MACROD1: variants seen among roughly 807,000 people sequenced by gnomAD.
The protein encoded by MACROD1 is ADP-ribose glycohydrolase MACROD1.
MACROD1 carries 31 observed loss-of-function variants against 41.4 expected under a neutral mutation model. That is an observed-to-expected ratio of 0.75 (90% CI 0.56 to 1.01). The LOEUF is 1.01. Ranked by LOEUF, MACROD1 falls within the 50% of genes least tolerant of loss-of-function variation. MACROD1 has a pLI of 0.00. For synonymous variants in MACROD1, 252 were observed against 203.4 expected (o/e 1.24, Z -2.03); for missense variants, 473 against 460.0 (o/e 1.03, Z -0.26).
chr11:64,069,620 C>T (rs1323784386), intron 3 of MACROD1, among the ~76,000 whole-genome samples: 1 of 152,038 alleles, frequency 6.6e-6, no homozygotes, highest in East Asian at 1.9e-4. Flanking sequence ...CTGATGCCTC[C>T]TGCAGTGGCC....
chr11:64,053,392 T>C (rs1362885456), intron 3 of MACROD1, among the ~76,000 whole-genome samples: 2 of 152,230 alleles, frequency 1.3e-5, no homozygotes, highest in Non-Finnish European at 2.9e-5. Flanking sequence ...GCCCATGGTT[T>C]CCTGCAGATC....
chr11:64,114,880 A>G (rs1367781479), intron 3 of MACROD1, among the ~76,000 whole-genome samples: 2 of 152,184 alleles, frequency 1.3e-5, no homozygotes, highest in African/African-American at 4.8e-5. Context: ...GTAACATTTG[A>G]GCTGGGTCCT....
chr11:64,135,728 C>T (rs982963331), intron 3 of MACROD1, among the ~76,000 whole-genome samples: 9 of 152,168 alleles, frequency 5.9e-5, no homozygotes, highest in African/African-American at 1.4e-4. Context: ...GCCTTCCCCG[C>T]GCCAGGTGGT....
chr11:64,137,150 G>A (rs1007939949), intron 3 of MACROD1, among the ~76,000 whole-genome samples: 3 of 152,242 alleles, frequency 2.0e-5, no homozygotes, highest in African/African-American at 4.8e-5. Flanking sequence ...ACCCTTATTA[G>A]TCACAGGCTC....
At chr11:64,129,395 G>A (rs535824082) in intron 3 of MACROD1, among the ~76,000 whole-genome samples, 9 of 152,248 alleles carry the variant, frequency 5.9e-5, no homozygotes, top group Non-Finnish European at 1.2e-4. Context: ...GCCACTGGGA[G>A]TGCCCAGCTC....
intron 3 of MACROD1, among the ~76,000 whole-genome samples, chr11:64,081,260 G>A (rs1044763397): frequency 1.3e-5 from 2 of 152,200 alleles, no homozygotes; most frequent in Non-Finnish European, 2.9e-5. Context: ...GACCTCAGGT[G>A]ATCTGCCCAC....
chr11:64,118,594 GT>G (rs10570373), intron 3 of MACROD1: 122,409 of 239,732 alleles, frequency 0.51, 30,336 homozygotes, highest in Non-Finnish European at 0.61. Flanking sequence ...GCTGGGTTGG[GT>G]TTTTTTTTTT....
At chr11:64,149,802 C>A (rs2134699671) in intron 3 of MACROD1, among the ~76,000 whole-genome samples, 1 of 152,372 alleles carries the variant, frequency 6.6e-6, no homozygotes, top group East Asian at 1.9e-4. Flanking sequence ...TGCTCCAGGC[C>A]AGCCCCTCCT....
chr11:64,150,738 C>T (rs905298475), intron 3 of MACROD1, among the ~76,000 whole-genome samples: 2 of 152,214 alleles, frequency 1.3e-5, no homozygotes, highest in African/African-American at 4.8e-5. Flanking sequence ...GCCAAGCCAG[C>T]AAGAGGCGAG....
intron 4 of MACROD1, among the ~76,000 whole-genome samples, chr11:64,013,386 G>A (rs796159383): frequency 6.6e-5 from 10 of 152,344 alleles, no homozygotes; most frequent in African/African-American, 2.4e-4. Flanking sequence ...AGTGAACGGA[G>A]CAGCCGCGTG....
At chr11:64,047,823 G>A (rs1391823451) in intron 3 of MACROD1, among the ~76,000 whole-genome samples, 1 of 151,812 alleles carries the variant, frequency 6.6e-6, no homozygotes, top group Non-Finnish European at 1.5e-5. Context: ...CTTGAACCTG[G>A]GAGGTAGAGG....
intron 3 of MACROD1, among the ~76,000 whole-genome samples, chr11:64,069,841 T>C (rs1351204198): frequency 1.3e-5 from 2 of 152,196 alleles, no homozygotes; most frequent in Admixed American, 1.3e-4. Flanking sequence ...ATTAAGTCTT[T>C]AGCAAATGGT....
intron 3 of MACROD1, among the ~76,000 whole-genome samples, chr11:64,144,106 C>T (rs1173951662): frequency 6.6e-6 from 1 of 151,646 alleles, no homozygotes; most frequent in Non-Finnish European, 1.5e-5. Flanking sequence ...AGGCCCCGGC[C>T]GTGGCTCACT....
intron 3 of MACROD1, among the ~76,000 whole-genome samples, chr11:64,140,459 G>A (rs540978552): frequency 4.3e-4 from 65 of 152,360 alleles, no homozygotes; most frequent in African/African-American, 1.5e-3. Context: ...ATGGGAAGGA[G>A]GTGCCTTCAG....
chr11:64,163,278 CAA>C (rs1336017061), intron 1 of MACROD1, among the ~76,000 whole-genome samples: 3 of 152,076 alleles, frequency 2.0e-5, no homozygotes, highest in Non-Finnish European at 4.4e-5. Context: ...CCAGCCTGGA[CAA>C]AAAGAGTGAA....
Position 64,096,043 on chromosome 11 carries a change from C to T in MACROD1, c.517+55196G>A, listed in dbSNP as rs1280666066. On this transcript the variant is annotated intron_variant, in intron 3 of 10. Transcript: ENST00000255681. This position sits in a 1 kb window ranked among gnomAD's most constrained non-coding sequence, Gnocchi z 4.6. Reference sequence around the variant, plus strand: ...GCAGCCAGCACAGTGCTGCTTCAAACTGCCACTTGAGAGCTCCAGCGTGGG... The same window carrying T: ...GCAGCCAGCACAGTGCTGCTTCAAATTGCCACTTGAGAGCTCCAGCGTGGG... Among the ~76,000 whole-genome samples, 1 of 152,232 alleles carries T rather than the reference C, an allele frequency of 6.6e-6. No individual in the cohort carries two copies. Among genetic ancestry groups the T allele is most frequent in the African/African-American group, 2.4e-5 (1 of 41,466 alleles).
At chr11:64,030,951 A>AG (rs1943285969) in intron 3 of MACROD1, among the ~76,000 whole-genome samples, 1 of 151,400 alleles carries the variant, frequency 6.6e-6, no homozygotes, top group South Asian at 2.1e-4. Context: ...TTCTGATGAT[A>AG]GGTTGGCCAG....
chr11:64,049,011 G>GGCTGCCTCCTGCCCTGGGGTGCCA (rs1943639862), intron 3 of MACROD1, among the ~76,000 whole-genome samples: 2 of 152,226 alleles, frequency 1.3e-5, no homozygotes, highest in African/African-American at 4.8e-5. Context: ...CTGGGGTGCC[G>GGCTGCCTCCTGCCCTGGGGTGCCA]GCTGCCTCCT....
At chr11:64,149,792 T>C (rs964649618) in intron 3 of MACROD1, among the ~76,000 whole-genome samples, 2 of 152,252 alleles carry the variant, frequency 1.3e-5, no homozygotes, top group Admixed American at 6.5e-5. Flanking sequence ...TCTGCCCTTC[T>C]GCTCCAGGCC....
Sources: allele counts gnomAD v4.1 joint callset (sites outside exome capture counted in the v4.1 genomes callset), GRCh38; gene constraint gnomAD v4.1.1; non-coding constraint Gnocchi (gnomAD v3.1); transcripts MANE v1.5; gene names NCBI Gene and HGNC (gene_info 2026-07-23, HGNC 2026-07-21).